The following CADM2 variants were observed in gnomAD, a reference collection of about 807,000 sequenced individuals.
CADM2 encodes the protein immunoglobulin superfamily member 4D.
CADM2 carries 12 observed loss-of-function variants against 49.8 expected under a neutral mutation model. The observed-to-expected ratio is 0.24, with a 90% confidence interval of 0.15 to 0.39. CADM2 has a LOEUF of 0.39. Ranked by LOEUF, CADM2 falls within the 10% of genes least tolerant of loss-of-function variation. The probability of loss-of-function intolerance (pLI) is 1.00; values close to 1 mark genes in which losing one functional copy is unlikely to be tolerated. For missense variants in CADM2, 378 were observed against 492.3 expected (o/e 0.77, Z 2.20); for synonymous variants, 214 against 175.4 (o/e 1.22, Z -1.74).
chr3:85,864,720 C>G (rs1258562666), intron 3 of CADM2, among the ~76,000 whole-genome samples: 1 of 152,072 alleles, frequency 6.6e-6, no homozygotes, highest in African/African-American at 2.4e-5. Flanking sequence ...TTTATAATTT[C>G]TTACTTTATG....
intron 1 of CADM2, among the ~76,000 whole-genome samples, chr3:85,095,957 A>G (rs189336290): frequency 6.6e-6 from 1 of 152,162 alleles, no homozygotes; most frequent in East Asian, 1.9e-4. Flanking sequence ...TGCTCGCTGA[A>G]GGACTCCCAA....
intron 1 of CADM2, among the ~76,000 whole-genome samples, chr3:85,153,899 T>A (rs1473727492): frequency 1.3e-5 from 2 of 152,042 alleles, no homozygotes; most frequent in Non-Finnish European, 2.9e-5. Flanking sequence ...GAAGGAAAAC[T>A]AACAAACAGA....
intron 1 of CADM2, among the ~76,000 whole-genome samples, chr3:85,284,889 G>A (rs1160378731): frequency 7.9e-5 from 12 of 151,996 alleles, no homozygotes; most frequent in Admixed American, 7.9e-4. Flanking sequence ...GTTGTGTCAA[G>A]CATCGAATAT....
chr3:85,427,181 TATATATATATATATATATA>T, intron 1 of CADM2, among the ~76,000 whole-genome samples: 1 of 58,880 alleles, frequency 1.7e-5, no homozygotes, highest in South Asian at 6.4e-4. Flanking sequence ...TATATATATA[TATATATATATATATATATA>T]TGTATAATAA....
intron 3 of CADM2, among the ~76,000 whole-genome samples, chr3:85,820,384 C>A (rs1042634939): frequency 6.6e-6 from 1 of 151,942 alleles, no homozygotes; most frequent in African/African-American, 2.4e-5. Context: ...AGCAGGGAGA[C>A]CAATTAGAGA....
At chr3:85,439,787 T>C (rs1284765765) in intron 1 of CADM2, among the ~76,000 whole-genome samples, 2 of 152,130 alleles carry the variant, frequency 1.3e-5, no homozygotes, top group Non-Finnish European at 2.9e-5. Flanking sequence ...TGTGATGGTA[T>C]TTGCATTCTG....
intron 1 of CADM2, among the ~76,000 whole-genome samples, chr3:85,568,052 A>C (rs1435319034): frequency 6.6e-6 from 1 of 152,202 alleles, no homozygotes; most frequent in Non-Finnish European, 1.5e-5. Context: ...CACTGAGTCA[A>C]ATGCCAGTCT....
chr3:86,063,246 A>G (rs906410994), intron 8 of CADM2, among the ~76,000 whole-genome samples: 6 of 152,340 alleles, frequency 3.9e-5, no homozygotes, highest in Middle Eastern at 6.8e-3. Context: ...TGAAAATAAG[A>G]CAAGTTATTA....
chr3:85,346,848 G>C (rs2030710575), intron 1 of CADM2, among the ~76,000 whole-genome samples: 1 of 152,108 alleles, frequency 6.6e-6, no homozygotes, highest in Non-Finnish European at 1.5e-5. Context: ...GGGAGAAATT[G>C]CTTAAAACAG....
chr3:85,962,602 T>C (rs1724973298), intron 8 of CADM2, among the ~76,000 whole-genome samples: 2 of 151,908 alleles, frequency 1.3e-5, no homozygotes, highest in Non-Finnish European at 2.9e-5. Flanking sequence ...CTTTTAGATA[T>C]TGTTAGATGG....
intron 1 of CADM2, among the ~76,000 whole-genome samples, chr3:84,968,682 G>T (rs543615098): frequency 1.3e-5 from 2 of 152,136 alleles, no homozygotes; most frequent in African/African-American, 4.8e-5. Context: ...GTGAAAATGT[G>T]TATCCCCTAC....
intron 2 of CADM2, among the ~76,000 whole-genome samples, chr3:85,795,228 A>G (rs1366831339): frequency 1.3e-5 from 2 of 152,132 alleles, no homozygotes; most frequent in Non-Finnish European, 2.9e-5. Context: ...GAAAGACTCT[A>G]AGATTGAATG....
chr3:86,050,582 G>T lies in CADM2; in HGVS notation c.971-15023G>T, dbSNP rs1578064715. Among the ~76,000 whole-genome samples the T allele has an allele frequency of 4.6e-5, 7 of 152,180 alleles. No homozygotes were observed. In the South Asian group the frequency reaches 1.4e-3, roughly 32 times the overall value. ...CATTATGGCTTGGCCACTGAAGCAG[G>T]CTTCTGCCTAGACATCCAGGCTTTT... is the stretch of plus-strand genomic sequence containing the variant. On this transcript the variant is annotated intron_variant, in intron 8 of 9. Transcript: ENST00000383699.
At chr3:86,009,092 A>AGT (rs3042197) in intron 8 of CADM2, among the ~76,000 whole-genome samples, 2,469 of 145,358 alleles carry the variant, frequency 0.017, 64 homozygotes, top group African/African-American at 0.055. Context: ...TTGGTGTTAT[A>AGT]GTGTGTGTGT....
intron 1 of CADM2, among the ~76,000 whole-genome samples, chr3:85,082,134 C>T (rs1387584859): frequency 2.0e-5 from 3 of 152,186 alleles, no homozygotes; most frequent in African/African-American, 4.8e-5. Context: ...AGATCACAAG[C>T]GTCTCTTCTG....
chr3:86,048,526 T>C (rs1578058814), intron 8 of CADM2, among the ~76,000 whole-genome samples: 1 of 152,222 alleles, frequency 6.6e-6, no homozygotes, highest in African/African-American at 2.4e-5. Flanking sequence ...GAATTTTATT[T>C]CATTAAATTA....
chr3:84,970,118 T>A (rs1424498670), intron 1 of CADM2, among the ~76,000 whole-genome samples: 2 of 148,848 alleles, frequency 1.3e-5, no homozygotes, highest in Admixed American at 6.8e-5. Context: ...GAAGTGAAGA[T>A]TCAGGGTGCA....
Position 85,299,013 on chromosome 3 carries a change from T to A in CADM2, c.61+339345T>A, listed in dbSNP as rs192238919. On this transcript the variant is annotated intron_variant, in intron 1 of 9. Coordinates refer to ENST00000383699, the MANE Select transcript of CADM2 (RefSeq NM_001167675.2). ...CATATTGAGTAGATTATTCCCATTG[T>A]ATCCACTAGAAGACTGAGTGTATTG... Among the ~76,000 whole-genome samples, 12 of 152,216 alleles carry A rather than the reference T, an allele frequency of 7.9e-5. No homozygotes were observed. In the East Asian group the frequency reaches 2.3e-3, roughly 29 times the overall value.
At chr3:85,720,410 C>A (rs1247440172) in intron 1 of CADM2, among the ~76,000 whole-genome samples, 1 of 152,064 alleles carries the variant, frequency 6.6e-6, no homozygotes, top group Non-Finnish European at 1.5e-5. Context: ...GCTAAAATTG[C>A]AGAATGGTGA....
Sources: allele counts gnomAD v4.1 joint callset (sites outside exome capture counted in the v4.1 genomes callset), GRCh38; gene constraint gnomAD v4.1.1; transcripts MANE v1.5; gene names NCBI Gene and HGNC (gene_info 2026-07-23, HGNC 2026-07-21).